CDH18: variants seen among roughly 807,000 people sequenced by gnomAD.
The protein encoded by CDH18 is cadherin-18.
CDH18 carries 31 observed loss-of-function variants against 67.9 expected under a neutral mutation model. That is an observed-to-expected ratio of 0.46 (90% CI 0.34 to 0.62). The LOEUF (loss-of-function observed/expected upper bound fraction) is 0.62, where lower values mean the gene tolerates loss of function less well. Ranked by LOEUF, CDH18 falls within the 20% of genes least tolerant of loss-of-function variation. The pLI, the probability that CDH18 is intolerant of heterozygous loss-of-function variation, is 0.01. For missense variants in CDH18, 890 were observed against 975.5 expected, an observed-to-expected ratio of 0.91 and a Z score of 1.17; for synonymous variants, 362 against 347.2, an observed-to-expected ratio of 1.04 and a Z score of -0.48.
chr5:20,403,612 A>G (rs1488551995), intron 1 of CDH18, among the ~76,000 whole-genome samples: 26 of 152,226 alleles, frequency 1.7e-4, no homozygotes, highest in Admixed American at 1.7e-3. Flanking sequence ...TTTTCTGTGC[A>G]GTAGTTCTCA....
Position 19,839,786 on chromosome 5 carries a change from A to C in CDH18, c.-256-544T>G, listed in dbSNP as rs61676705. Among the ~76,000 whole-genome samples the C allele has an allele frequency of 9.2e-5, 14 of 152,142 alleles. 1 individual carries two copies. The highest frequency in any genetic ancestry group is 3.4e-4 in the African/African-American group (14 of 41,444). On this transcript the variant is annotated intron_variant, in intron 2 of 12. Transcript: ENST00000382275. ...TTGTGTAAATTTTGATAGGTCCTGC[A>C]TATCTACCCCGGGTATGAACTTCAC...
At chr5:20,004,251 C>T (rs757915839) in intron 2 of CDH18, among the ~76,000 whole-genome samples, 16 of 152,166 alleles carry the variant, frequency 1.1e-4, no homozygotes, top group Admixed American at 6.5e-4. Context: ...GCAACAGCGC[C>T]CCCCACCCGC....
chr5:19,983,388 G>A (rs1222720018), intron 1 of CDH18, among the ~76,000 whole-genome samples: 1 of 152,128 alleles, frequency 6.6e-6, no homozygotes, highest in African/African-American at 2.4e-5. Flanking sequence ...AGAAATGATA[G>A]TTGAATTCCC....
intron 4 of CDH18, 58 bp from the exon 5 acceptor site, chr5:19,721,524 T>C (rs1449788143): frequency 2.6e-6 from 4 of 1,538,788 alleles, no homozygotes; most frequent in Admixed American, 1.7e-5. Flanking sequence ...ATGATTAATT[T>C]GAACACAGAA....
chr5:19,618,455 T>G (rs926826609), intron 5 of CDH18, among the ~76,000 whole-genome samples: 6 of 152,140 alleles, frequency 3.9e-5, no homozygotes, highest in Non-Finnish European at 8.8e-5. Context: ...ATCCACCCAC[T>G]TTGGCCTCCC....
chr5:20,022,559 T>G (rs1298745610), intron 2 of CDH18, among the ~76,000 whole-genome samples: 2 of 152,190 alleles, frequency 1.3e-5, no homozygotes, highest in Non-Finnish European at 2.9e-5. Context: ...AGACCAACAT[T>G]TTTAATATAA....
chr5:19,882,523 A>G (rs1396975060), intron 2 of CDH18, among the ~76,000 whole-genome samples: 1 of 152,146 alleles, frequency 6.6e-6, no homozygotes, highest in Non-Finnish European at 1.5e-5. Flanking sequence ...TCTGAGTATT[A>G]TCTAAATTAA....
intron 2 of CDH18, among the ~76,000 whole-genome samples, chr5:20,098,666 A>C (rs140112766): frequency 6.6e-6 from 1 of 152,078 alleles, no homozygotes; most frequent in Non-Finnish European, 1.5e-5. Flanking sequence ...TTATTATTCC[A>C]ATCAGGAAAA....
At chr5:19,573,473 T>C (rs1741806668) in intron 7 of CDH18, among the ~76,000 whole-genome samples, 1 of 152,138 alleles carries the variant, frequency 6.6e-6, no homozygotes, top group East Asian at 1.9e-4. Context: ...AGAGACGCGG[T>C]TTCACCGTGT....
chr5:20,529,280 G>GCCCAGAAC (rs1756257661), intron 1 of CDH18, among the ~76,000 whole-genome samples: 2 of 150,202 alleles, frequency 1.3e-5, no homozygotes. Flanking sequence ...AAAAAAAAAA[G>GCCCAGAAC]CCCAGAACCA....
chr5:20,373,078 C>G (rs1743135240), intron 1 of CDH18, among the ~76,000 whole-genome samples: 2 of 152,126 alleles, frequency 1.3e-5, no homozygotes, highest in South Asian at 4.1e-4. Flanking sequence ...TATTTTTCTT[C>G]CTGCATCAAT....
At chr5:19,740,239 T>G (rs531589463) in intron 4 of CDH18, among the ~76,000 whole-genome samples, 1 of 152,134 alleles carries the variant, frequency 6.6e-6, no homozygotes, top group Non-Finnish European at 1.5e-5. Context: ...ATAGGTATAC[T>G]AATACACAGA....
chr5:20,154,827 T>G (rs1204979437), intron 2 of CDH18, among the ~76,000 whole-genome samples: 1 of 152,188 alleles, frequency 6.6e-6, no homozygotes, highest in Non-Finnish European at 1.5e-5. Context: ...ATGGCCTCAT[T>G]AATGCCCTGA....
chr5:19,652,249 T>C (rs965070353), intron 5 of CDH18, among the ~76,000 whole-genome samples: 8 of 152,122 alleles, frequency 5.3e-5, no homozygotes, highest in Non-Finnish European at 8.8e-5. Context: ...TAATTTATTA[T>C]TATTTTTTAC....
At chr5:19,717,730 T>C (rs903315335) in intron 5 of CDH18, among the ~76,000 whole-genome samples, 3 of 152,084 alleles carry the variant, frequency 2.0e-5, no homozygotes, top group African/African-American at 4.8e-5. Context: ...CTCAGTGGCC[T>C]TCCTCAAAAT....
intron 3 of CDH18, among the ~76,000 whole-genome samples, chr5:19,823,032 T>C (rs1780040606): frequency 1.3e-5 from 2 of 152,194 alleles, no homozygotes; most frequent in Non-Finnish European, 2.9e-5. Flanking sequence ...GTGATATTTC[T>C]CCCATTTGCT....
intron 1 of CDH18, among the ~76,000 whole-genome samples, chr5:20,373,750 T>C (rs1462564522): frequency 6.6e-6 from 1 of 152,080 alleles, no homozygotes; most frequent in African/African-American, 2.4e-5. Flanking sequence ...TAATCATAAG[T>C]GAATGAGTAA....
In CDH18 at chr5:20,493,356, TAAAA is replaced by T. The variant is rs148292031; in HGVS notation, c.-580+82102_-580+82105del. On this transcript the variant is annotated intron_variant, in intron 1 of 14. Coordinates refer to the CDH18 transcript ENST00000507958. ...AGGGCAAGACTCTGTTTCAGAAAAT[TAAAA>T]AAAAAAAAAAAAAAAAAAAAAAAAA... Among the ~76,000 whole-genome samples the T allele has an allele frequency of 4.0e-3, 187 of 47,198 alleles. 1 individual carries two copies. The highest frequency in any genetic ancestry group is 0.024 in the Middle Eastern group (1 of 42). The allele number at this position is 47,198 out of a possible 152,430, so 31.0% of individuals were successfully genotyped here.
chr5:19,753,746 C>T (rs1428317171), intron 3 of CDH18, among the ~76,000 whole-genome samples: 1 of 152,108 alleles, frequency 6.6e-6, no homozygotes. Context: ...AGGTATCCTA[C>T]AAAGGAAAAC....
Sources: allele counts gnomAD v4.1 joint callset (sites outside exome capture counted in the v4.1 genomes callset), GRCh38; gene constraint gnomAD v4.1.1; transcripts MANE v1.5; gene names NCBI Gene and HGNC (gene_info 2026-07-23, HGNC 2026-07-21).